Variants in RBM27 observed in about 807,000 individuals in gnomAD.
The protein encoded by RBM27 is RNA binding motif protein 27, also known as RNA-binding protein 27.
Under a neutral mutation model 135.3 loss-of-function variants are expected in RBM27, and 22 were observed. The observed-to-expected ratio is 0.16, with a 90% CI of 0.12 to 0.23. The LOEUF is 0.23. Among genes scored for constraint, RBM27 ranks in the 10% least tolerant of loss-of-function variants. The pLI is 1.00. For missense variants in RBM27, 1,009 were observed against 1,281.0 expected, an observed-to-expected ratio of 0.79 and a Z score of 3.24; for synonymous variants, 481 against 442.4, an observed-to-expected ratio of 1.09 and a Z score of -1.10.
At chr5:146,279,144 A>AT (rs1198966463) in intron 19 of RBM27, among the ~76,000 whole-genome samples, 2 of 151,934 alleles carry the variant, frequency 1.3e-5, no homozygotes, top group Admixed American at 1.3e-4. Flanking sequence ...TTAATCCTAG[A>AT]TTTTTTTAAA....
chr5:146,217,293 C>G (rs770761645), intron 1 of RBM27, among the ~76,000 whole-genome samples: 5 of 151,908 alleles, frequency 3.3e-5, no homozygotes, highest in African/African-American at 4.8e-5. Context: ...AAAGAACCAG[C>G]CTTTCCCATG....
intron 13 of RBM27, among the ~76,000 whole-genome samples, chr5:146,262,984 T>G (rs1465566175): frequency 6.6e-6 from 1 of 151,756 alleles, no homozygotes; most frequent in Non-Finnish European, 1.5e-5. Context: ...TGCCTCCTGG[T>G]TCAGGCTACC....
intron 1 of RBM27, among the ~76,000 whole-genome samples, chr5:146,217,447 C>A (rs1373351364): frequency 7.0e-6 from 1 of 143,668 alleles, no homozygotes; most frequent in Non-Finnish European, 1.5e-5. Flanking sequence ...GTGATTGATA[C>A]TCTTGAGCTG....
chr5:146,213,090 A>T (rs2126688868), intron 1 of RBM27, among the ~76,000 whole-genome samples: 1 of 151,242 alleles, frequency 6.6e-6, no homozygotes, highest in African/African-American at 2.4e-5. Flanking sequence ...TGGTCAGAGA[A>T]TATGGATTTT....
chr5:146,249,443 T>G (rs1409159627), intron 8 of RBM27, among the ~76,000 whole-genome samples: 1 of 150,616 alleles, frequency 6.6e-6, no homozygotes, highest in Non-Finnish European at 1.5e-5. Context: ...TCCAGAAGTT[T>G]GGGAGGCCGA....
chr5:146,280,298 C>T (rs776304447), intron 19 of RBM27, among the ~76,000 whole-genome samples: 3 of 152,128 alleles, frequency 2.0e-5, no homozygotes, highest in Non-Finnish European at 4.4e-5. Flanking sequence ...CTCAGGTGAT[C>T]TACCTGCCTC....
chr5:146,212,148 C>T (rs773580154), intron 1 of RBM27, among the ~76,000 whole-genome samples: 24 of 151,574 alleles, frequency 1.6e-4, no homozygotes, highest in African/African-American at 3.2e-4. Context: ...CTCCGCCTCC[C>T]GGGTTCAAGT....
intron 2 of RBM27, among the ~76,000 whole-genome samples, chr5:146,222,639 G>A (rs1055803537): frequency 6.6e-6 from 1 of 152,138 alleles, no homozygotes; most frequent in Non-Finnish European, 1.5e-5. Flanking sequence ...AGCTGAGATC[G>A]CACCACTGCA....
intron 1 of RBM27, among the ~76,000 whole-genome samples, chr5:146,217,207 T>A: frequency 6.7e-6 from 1 of 149,180 alleles, no homozygotes; most frequent in South Asian, 2.1e-4. Flanking sequence ...CCTCAGGTGA[T>A]CCCCCCGCCT....
intron 8 of RBM27, among the ~76,000 whole-genome samples, chr5:146,239,397 G>A (rs978244290): frequency 6.6e-6 from 1 of 150,992 alleles, no homozygotes; most frequent in African/African-American, 2.4e-5. Flanking sequence ...AGAACTTTTC[G>A]GTGGCTACCA....
intron 1 of RBM27, among the ~76,000 whole-genome samples, chr5:146,215,033 T>A (rs996068077): frequency 3.3e-5 from 5 of 152,192 alleles, no homozygotes; most frequent in African/African-American, 1.2e-4. Context: ...GCTAAATATA[T>A]GTAAAAGATA....
chr5:146,269,156 G>C (rs760109415), intron 15 of RBM27, 51 bp from the exon 16 acceptor site: 1 of 1,374,306 alleles, frequency 7.3e-7, no homozygotes, highest in South Asian at 1.3e-5. Flanking sequence ...AATGAGTTGA[G>C]AATGGTGGCA....
intron 9 of RBM27, among the ~76,000 whole-genome samples, chr5:146,254,243 C>T (rs1758013692): frequency 6.6e-6 from 1 of 151,950 alleles, no homozygotes; most frequent in Non-Finnish European, 1.5e-5. Context: ...TGGCTGAAGC[C>T]CAGGAGTTCA....
chr5:146,245,266 T>C (rs1581190098), intron 8 of RBM27: 1 of 152,328 alleles, frequency 6.6e-6, no homozygotes, highest in East Asian at 1.9e-4. Flanking sequence ...GCCTCCAAGT[T>C]TGAACTCACC....
rs73303469 is a variant in RBM27, at chr5:146,287,686, A to G, written c.*1656A>G. 3.9e-4 allele frequency: 59 copies of G among 152,258 alleles called. 1 individual carries two copies. The highest frequency in any genetic ancestry group is 1.4e-3 in the African/African-American group (57 of 41,554). 9.4% of individuals were successfully genotyped at this position (152,258 alleles called of 1,614,324 possible). A position where few individuals can be genotyped will look rare whatever the true frequency, so the allele number is the denominator to read the frequency against. ...GTTCTGATAATCTTTATTCTTCTAC[A>G]TGTTTTCCTGGAATGATGTGTCAAA... On this transcript the variant is annotated 3_prime_UTR_variant, in exon 21 of 21. Transcript: ENST00000265271.
chr5:146,284,362 A>C (rs1338310562), intron 19 of RBM27, among the ~76,000 whole-genome samples: 1 of 152,140 alleles, frequency 6.6e-6, no homozygotes, highest in African/African-American at 2.4e-5. Context: ...CTTAGAAAAA[A>C]AATTATTTCT....
intron 10 of RBM27, among the ~76,000 whole-genome samples, chr5:146,256,658 A>G (rs1758118881): frequency 6.6e-6 from 1 of 151,978 alleles, no homozygotes; most frequent in East Asian, 1.9e-4. Flanking sequence ...CCAGCCTCAT[A>G]TATATTATTG....
At chr5:146,244,567 A>T (rs1757542401) in intron 8 of RBM27, among the ~76,000 whole-genome samples, 1 of 148,928 alleles carries the variant, frequency 6.7e-6, no homozygotes, top group African/African-American at 2.5e-5. Flanking sequence ...TTTGAGACAG[A>T]GTCTTGTTGT....
chr5:146,276,454 T>A (rs1759097190), intron 19 of RBM27, among the ~76,000 whole-genome samples: 2 of 152,194 alleles, frequency 1.3e-5, no homozygotes, highest in Admixed American at 1.3e-4. Flanking sequence ...ACCTCTAATG[T>A]CTCACTCCTG....
Sources: gnomAD v4.1 joint callset for allele counts (sites outside exome capture counted in the v4.1 genomes callset) on GRCh38, gnomAD v4.1.1 for gene constraint, MANE v1.5 for transcripts, NCBI Gene and HGNC (gene_info 2026-07-23, HGNC 2026-07-21) for gene names.